The following RPS6KA2 variants were observed in gnomAD, a reference collection of about 807,000 sequenced individuals.
The protein encoded by RPS6KA2 is ribosomal protein S6 kinase A2, also known as ribosomal protein S6 kinase alpha-2.
RPS6KA2 carries 42 observed loss-of-function variants against 91.8 expected under a neutral mutation model. The ratio of observed to expected loss-of-function variants is 0.46; its 90% CI spans 0.36 to 0.59. The LOEUF is 0.59. RPS6KA2 is among the 20% of genes least tolerant of loss of function. RPS6KA2 has a pLI of 0.00. For synonymous variants in RPS6KA2, 414 were observed against 393.6 expected (o/e 1.05, Z -0.61); for missense variants, 798 against 978.5 (o/e 0.82, Z 2.46).
intron 2 of RPS6KA2, among the ~76,000 whole-genome samples, chr6:166,743,596 G>T (rs537071140): frequency 1.3e-5 from 2 of 152,170 alleles, no homozygotes; most frequent in African/African-American, 2.4e-5. Flanking sequence ...TCCACACCCC[G>T]GGGAGCTACC....
intron 10 of RPS6KA2, 29 bp downstream of exon 10, chr6:166,488,804 C>A: frequency 7.0e-6 from 11 of 1,580,834 alleles, no homozygotes; most frequent in Non-Finnish European, 9.5e-6. Context: ...CTGCACGTTC[C>A]CGTGGTGGGG....
chr6:166,856,890 A>T (rs1225599146), intron 2 of RPS6KA2, among the ~76,000 whole-genome samples: 1 of 152,214 alleles, frequency 6.6e-6, no homozygotes, highest in Non-Finnish European at 1.5e-5. Flanking sequence ...AGCGCTATCT[A>T]CTTTTCCAGG....
At chr6:166,797,079 G>A (rs1182016178) in intron 2 of RPS6KA2, among the ~76,000 whole-genome samples, 2 of 152,218 alleles carry the variant, frequency 1.3e-5, no homozygotes, top group Non-Finnish European at 2.9e-5. Context: ...TTGTCGGTCT[G>A]AGCACAGCTG....
chr6:166,492,720 CTT>C (rs10533292), intron 8 of RPS6KA2, among the ~76,000 whole-genome samples: 5 of 141,140 alleles, frequency 3.5e-5, no homozygotes, highest in Non-Finnish European at 4.6e-5. Context: ...TTTTTCTTTT[CTT>C]TTTTTTTTTT....
intron 2 of RPS6KA2, among the ~76,000 whole-genome samples, chr6:166,680,071 G>A (rs768137893): frequency 1.3e-5 from 2 of 151,772 alleles, no homozygotes; most frequent in East Asian, 1.9e-4. Flanking sequence ...GTTTGTAAAC[G>A]CACCAATCAG....
chr6:166,848,219 T>G (rs1279625461), intron 2 of RPS6KA2, among the ~76,000 whole-genome samples: 1 of 152,188 alleles, frequency 6.6e-6, no homozygotes, highest in African/African-American at 2.4e-5. Context: ...ATCATCTCAC[T>G]CCTGCAATAA....
At chr6:166,576,105 T>C (rs2128512587) in intron 1 of RPS6KA2, among the ~76,000 whole-genome samples, 1 of 152,292 alleles carries the variant, frequency 6.6e-6, no homozygotes, top group African/African-American at 2.4e-5. Flanking sequence ...TCTTTCTCAT[T>C]ATCTCTTGCC....
intron 2 of RPS6KA2, among the ~76,000 whole-genome samples, chr6:166,756,057 G>A (rs752774195): frequency 2.7e-4 from 41 of 152,010 alleles, no homozygotes; most frequent in African/African-American, 2.4e-5. Flanking sequence ...TTCTGTGGCC[G>A]AGGCGGGTGG....
chr6:166,647,231 A>G (rs1237429545), intron 2 of RPS6KA2, among the ~76,000 whole-genome samples: 1 of 151,752 alleles, frequency 6.6e-6, no homozygotes, highest in Non-Finnish European at 1.5e-5. Context: ...TCTTCAAATC[A>G]TCCTGATTTC....
At chr6:166,569,841 G>A (rs937102042) in intron 1 of RPS6KA2, among the ~76,000 whole-genome samples, 5 of 152,302 alleles carry the variant, frequency 3.3e-5, no homozygotes, top group South Asian at 2.1e-4. Context: ...CTTGCAAAGC[G>A]TCTTCCCCTC....
Position 166,783,816 on chromosome 6 carries a change from A to C in RPS6KA2, c.123+74384T>G, listed in dbSNP as rs1272353817. Among the ~76,000 whole-genome samples the C allele has an allele frequency of 2.2e-4, 25 of 112,682 alleles. 1 individual carries two copies. Among genetic ancestry groups the C allele is most frequent in the South Asian group, 8.3e-4 (3 of 3,632 alleles). 73.9% of individuals were successfully genotyped at this position (112,682 alleles called of 152,430 possible). A position where few individuals can be genotyped will look rare whatever the true frequency, so the allele number is the denominator to read the frequency against. ...TATATACACGTGCACAGTTACCTGTAACCACATATGCACACGTGCACACCT... is the reference window on the plus strand; with the variant it reads ...TATATACACGTGCACAGTTACCTGTCACCACATATGCACACGTGCACACCT... On this transcript the variant is annotated intron_variant, in intron 2 of 21. Transcript: ENST00000503859.
chr6:166,802,199 G>A (rs1488554675), intron 2 of RPS6KA2, among the ~76,000 whole-genome samples: 1 of 151,666 alleles, frequency 6.6e-6, no homozygotes, highest in East Asian at 1.9e-4. Context: ...GAACCTGGGA[G>A]GTGGAGATTG....
At chr6:166,747,519 G>A (rs908782306) in intron 2 of RPS6KA2, among the ~76,000 whole-genome samples, 5 of 152,124 alleles carry the variant, frequency 3.3e-5, no homozygotes, top group Admixed American at 2.0e-4. Flanking sequence ...ACACAAGCCC[G>A]ACTCACAGAT....
intron 2 of RPS6KA2, among the ~76,000 whole-genome samples, chr6:166,802,927 T>C (rs955072038): frequency 2.3e-5 from 2 of 87,956 alleles, no homozygotes; most frequent in Non-Finnish European, 5.1e-5. Flanking sequence ...ATATAATGTA[T>C]GTATATGTGT....
chr6:166,517,247 C>A (rs572841604), intron 3 of RPS6KA2, among the ~76,000 whole-genome samples: 69 of 152,146 alleles, frequency 4.5e-4, no homozygotes, highest in African/African-American at 1.6e-3. Context: ...GTAATCCCAA[C>A]ATTTTGGGAG....
upstream of RPS6KA2, among the ~76,000 whole-genome samples, chr6:166,630,336 C>T (rs144762924): frequency 1.3e-5 from 2 of 152,368 alleles, no homozygotes; most frequent in African/African-American, 2.4e-5. Context: ...AATGTCTGTT[C>T]GTCTCCAAAC....
chr6:166,747,261 G>A (rs1192146412), intron 2 of RPS6KA2, among the ~76,000 whole-genome samples: 4 of 152,144 alleles, frequency 2.6e-5, no homozygotes, highest in Non-Finnish European at 4.4e-5. Context: ...TCAGCCACCA[G>A]TCCTCCCATT....
chr6:166,727,121 G>A (rs778610119), intron 2 of RPS6KA2, among the ~76,000 whole-genome samples: 13 of 152,168 alleles, frequency 8.5e-5, no homozygotes, highest in Admixed American at 3.9e-4. Flanking sequence ...TCTCCTGAGG[G>A]CATTTATATA....
At chr6:166,763,915 GC>G (rs1778236887) in intron 2 of RPS6KA2, among the ~76,000 whole-genome samples, 1 of 152,234 alleles carries the variant, frequency 6.6e-6, no homozygotes, top group South Asian at 2.1e-4. Flanking sequence ...TGACGGCACG[GC>G]CGGCCTTGTC....
Sources: allele counts gnomAD v4.1 joint callset (sites outside exome capture counted in the v4.1 genomes callset), GRCh38; gene constraint gnomAD v4.1.1; transcripts MANE v1.5; gene names NCBI Gene and HGNC (gene_info 2026-07-23, HGNC 2026-07-21).